Variants in NEBL observed in about 807,000 individuals in gnomAD.
NEBL encodes the protein nebulette, also known as LIM and SH3 protein 2.
In NEBL, 122 loss-of-function variants were observed where a neutral mutation model predicts 140.2. That is an observed-to-expected ratio of 0.87 (90% CI 0.75 to 1.01). The LOEUF is 1.01. Ranked by LOEUF, NEBL falls within the 50% of genes least tolerant of loss-of-function variation. NEBL has a pLI of 0.00. For missense variants in NEBL, 1,365 were observed against 1,231.3 expected (o/e 1.11, Z -1.62); for synonymous variants, 436 against 398.9 (o/e 1.09, Z -1.11).
At chr10:21,223,053 G>A (rs958380887) in intron 3 of NEBL, among the ~76,000 whole-genome samples, 8 of 152,208 alleles carry the variant, frequency 5.3e-5, no homozygotes, top group Non-Finnish European at 7.3e-5. Flanking sequence ...ATGAGCCATC[G>A]CGCCTGGCTC....
At chr10:21,025,205 A>G (rs1838976192) in intron 2 of NEBL, among the ~76,000 whole-genome samples, 1 of 152,236 alleles carries the variant, frequency 6.6e-6, no homozygotes, top group African/African-American at 2.4e-5. Flanking sequence ...TTTCATGGAA[A>G]ACAAAACATA....
chr10:20,960,732 T>C (rs1589079074), intron 4 of NEBL, among the ~76,000 whole-genome samples: 1 of 152,058 alleles, frequency 6.6e-6, no homozygotes, highest in African/African-American at 2.4e-5. Context: ...CATATATACA[T>C]GTATACATAC....
chr10:20,787,072 G>A (rs1835475526), intron 27 of NEBL, 130 bp downstream of exon 27: 2 of 838,966 alleles, frequency 2.4e-6, no homozygotes, highest in Admixed American at 2.0e-5. Flanking sequence ...TGTATAAATG[G>A]CAACACATCA....
At chr10:20,817,722 A>C in intron 20 of NEBL, 30 bp from the exon 21 acceptor site, 1 of 1,501,782 alleles carries the variant, frequency 6.7e-7, no homozygotes. Flanking sequence ...ACTTTAACAG[A>C]TAGCACAATG....
At chr10:21,154,058 T>C (rs1840242978) in intron 2 of NEBL, among the ~76,000 whole-genome samples, 1 of 152,176 alleles carries the variant, frequency 6.6e-6, no homozygotes, top group African/African-American at 2.4e-5. Context: ...AAAAATCAGC[T>C]TAATCATAAA....
chr10:20,921,370 G>A (rs1833569683), intron 4 of NEBL, among the ~76,000 whole-genome samples: 1 of 152,194 alleles, frequency 6.6e-6, no homozygotes, highest in South Asian at 2.1e-4. Flanking sequence ...CATCTCCTGG[G>A]CTTCCTTGCA....
chr10:21,166,093 G>A (rs1034206305), intron 2 of NEBL, among the ~76,000 whole-genome samples: 4 of 151,536 alleles, frequency 2.6e-5, no homozygotes, highest in Non-Finnish European at 4.4e-5. Context: ...GGTGGCGGGC[G>A]CCTGAAGTCC....
chr10:21,245,017 G>A (rs2132267909), intron 3 of NEBL, among the ~76,000 whole-genome samples: 1 of 151,702 alleles, frequency 6.6e-6, no homozygotes, highest in South Asian at 2.1e-4. Flanking sequence ...AATTTAATTA[G>A]CCAGGCATGG....
At position 20,902,406 on chromosome 10, in the gene NEBL, C is replaced by CA. The variant is rs10532070; in HGVS notation, c.357+59265dup. 4.3e-3 allele frequency among the ~76,000 whole-genome samples: 644 copies of CA among 149,900 alleles called. 15 individuals are homozygous for CA. The East Asian group carries it at 0.092, about 22-fold the overall frequency. ...GGGCAACAGAGCAAAGACACTGTCT[C>CA]AAAAAAAAAAAAATTTAATAAGGTA... On this transcript the variant is annotated intron_variant, in intron 4 of 6. Transcript: ENST00000417816.
chr10:21,156,094 G>C (rs955533684), intron 2 of NEBL, among the ~76,000 whole-genome samples: 3 of 152,200 alleles, frequency 2.0e-5, no homozygotes, highest in Non-Finnish European at 2.9e-5. Context: ...GGCCACTCAA[G>C]TGGTAAAATA....
At chr10:20,965,703 T>C (rs1041253088) in intron 3 of NEBL, among the ~76,000 whole-genome samples, 3 of 152,284 alleles carry the variant, frequency 2.0e-5, no homozygotes, top group Admixed American at 6.5e-5. Context: ...CTGGCTGCTA[T>C]CCTGCAAACT....
chr10:21,062,792 C>T (rs1447357125), intron 2 of NEBL, among the ~76,000 whole-genome samples: 1 of 152,156 alleles, frequency 6.6e-6, no homozygotes, highest in African/African-American at 2.4e-5. Flanking sequence ...GACATTCCTA[C>T]TACAACACAC....
chr10:21,233,424 T>C (rs1205478981), intron 3 of NEBL, among the ~76,000 whole-genome samples: 4 of 152,042 alleles, frequency 2.6e-5, no homozygotes, highest in Non-Finnish European at 4.4e-5. Context: ...TCATCTGACA[T>C]TTAGTACTTA....
intron 4 of NEBL, among the ~76,000 whole-genome samples, chr10:20,948,003 C>A (rs1378184413): frequency 6.6e-6 from 1 of 152,162 alleles, no homozygotes. Context: ...GTATAAATCT[C>A]ATAATGTTTT....
At chr10:21,087,136 T>C (rs543490577) in intron 2 of NEBL, among the ~76,000 whole-genome samples, 30 of 152,230 alleles carry the variant, frequency 2.0e-4, no homozygotes, top group Non-Finnish European at 3.1e-4. Context: ...TTATTTATTT[T>C]TCTATCTCTG....
chr10:21,245,493 A>G (rs1285736310), intron 3 of NEBL, among the ~76,000 whole-genome samples: 1 of 152,156 alleles, frequency 6.6e-6, no homozygotes, highest in African/African-American at 2.4e-5. Context: ...GCATTTATTC[A>G]TATTTTCTGA....
intron 9 of NEBL, among the ~76,000 whole-genome samples, chr10:20,856,817 TTTTTA>T (rs1224855415): frequency 1.3e-5 from 2 of 152,112 alleles, no homozygotes; most frequent in African/African-American, 4.8e-5. Context: ...AATAAATTTA[TTTTTA>T]TTTTATTTTA....
intron 2 of NEBL, among the ~76,000 whole-genome samples, chr10:21,166,097 G>A (rs969671251): frequency 4.0e-5 from 6 of 151,660 alleles, no homozygotes; most frequent in African/African-American, 1.5e-4. Context: ...GCGGGCGCCT[G>A]AAGTCCCAGC....
At chr10:20,808,455 G>C in intron 26 of NEBL, 55 bp downstream of exon 26, 2 of 1,565,548 alleles carry the variant, frequency 1.3e-6, no homozygotes, top group Non-Finnish European at 8.8e-7. Context: ...AGACACTCTT[G>C]TGACACACTT....
Sources: allele counts gnomAD v4.1 joint callset (sites outside exome capture counted in the v4.1 genomes callset), GRCh38; gene constraint gnomAD v4.1.1; transcripts MANE v1.5; gene names NCBI Gene and HGNC (gene_info 2026-07-23, HGNC 2026-07-21).